Variants in ANK2 observed in about 807,000 individuals in gnomAD.
The protein encoded by ANK2 is ankyrin-2.
A neutral mutation model predicts 360.5 loss-of-function variants in ANK2; 83 were observed. The observed-to-expected ratio is 0.23, with a 90% confidence interval of 0.19 to 0.28. The LOEUF (loss-of-function observed/expected upper bound fraction) is 0.28. ANK2 is among the 10% of genes least tolerant of loss of function. The pLI is 1.00. For missense variants in ANK2, 4,201 were observed against 4,795.7 expected, an observed-to-expected ratio of 0.88 and a Z score of 3.66; for synonymous variants, 1,740 against 1,759.5, an observed-to-expected ratio of 0.99 and a Z score of 0.28.
chr4:112,818,561 C>G (rs1320481893), intron 1 of ANK2, among the ~76,000 whole-genome samples: 1 of 152,036 alleles, frequency 6.6e-6, no homozygotes, highest in Non-Finnish European at 1.5e-5. Context: ...TTTGAGATTC[C>G]CAGCCCCAGA....
In ANK2 at chr4:113,357,263, C is replaced by A. The variant is rs56222626; in HGVS notation, c.8645C>A (p.Thr2882Lys). The A allele has an allele frequency of 6.2e-7, 1 of 1,614,016 alleles. No homozygotes were observed. The highest frequency in any genetic ancestry group is 1.1e-5 in the South Asian group (1 of 91,076). ...ACAGAGGTCACAAAAACTGATGAAACATTTGAGAACTTACCAAAGGACTGC... is the reference window on the plus strand; with the variant it reads ...ACAGAGGTCACAAAAACTGATGAAAAATTTGAGAACTTACCAAAGGACTGC... ...QKTEVTKTDE[T>K]FENLPKDCPS... The change falls in exon 38 of 46, where the codon ACA becomes AAA. Residue 2882 changes from threonine (T) to lysine (K), a missense_variant. Thr to Lys is a moderately conservative substitution (Grantham distance 78). Around this residue, in one of 4 missense-constraint regions of ANK2, gnomAD observed 2,642 missense variants for 2,714.5 expected, o/e 0.97. Transcript: ENST00000357077.
chr4:113,102,408 G>C (rs1387694028), intron 1 of ANK2, among the ~76,000 whole-genome samples: 1 of 152,094 alleles, frequency 6.6e-6, no homozygotes, highest in Non-Finnish European at 1.5e-5. Flanking sequence ...GGGCAGCTCA[G>C]AAAAGAGGCT....
At chr4:113,305,294 C>T (rs905983734) in intron 23 of ANK2, among the ~76,000 whole-genome samples, 5 of 142,382 alleles carry the variant, frequency 3.5e-5, no homozygotes, top group East Asian at 2.0e-4. Context: ...GAGCCGAGAT[C>T]CCGCCACTGC....
At chr4:113,215,222 A>T (rs1487952159) in intron 4 of ANK2, among the ~76,000 whole-genome samples, 1 of 152,158 alleles carries the variant, frequency 6.6e-6, no homozygotes, top group Non-Finnish European at 1.5e-5. Flanking sequence ...AAGGCAATGA[A>T]ATATGTTTCA....
At chr4:113,001,697 T>G (rs1159700420) in intron 2 of ANK2, among the ~76,000 whole-genome samples, 1 of 152,214 alleles carries the variant, frequency 6.6e-6, no homozygotes, top group Non-Finnish European at 1.5e-5. Context: ...TCAGTCAGTC[T>G]AACAAGGATT....
intron 2 of ANK2, among the ~76,000 whole-genome samples, chr4:112,995,881 A>G (rs1301200843): frequency 6.6e-6 from 1 of 152,220 alleles, no homozygotes; most frequent in East Asian, 1.9e-4. Context: ...GAACTCTCAT[A>G]CACTGCTGGT....
chr4:113,323,223 A>G (rs1385233016), intron 26 of ANK2, among the ~76,000 whole-genome samples: 1 of 152,094 alleles, frequency 6.6e-6, no homozygotes, highest in Non-Finnish European at 1.5e-5. Context: ...TTGTTTGCAT[A>G]GCTTTTTTTT....
chr4:112,952,216 A>G (rs1466971688), intron 2 of ANK2, among the ~76,000 whole-genome samples: 4 of 152,232 alleles, frequency 2.6e-5, no homozygotes, highest in South Asian at 2.1e-4. Context: ...TTCACTTTGC[A>G]TATGTGATAG....
intron 1 of ANK2, among the ~76,000 whole-genome samples, chr4:113,093,664 A>G (rs929034590): frequency 2.6e-5 from 4 of 152,192 alleles, no homozygotes; most frequent in African/African-American, 4.8e-5. Context: ...AACTCTGTTT[A>G]TTACGCAATA....
intron 2 of ANK2, among the ~76,000 whole-genome samples, chr4:113,190,110 AC>A (rs745428654): frequency 8.6e-5 from 13 of 151,718 alleles, no homozygotes; most frequent in Non-Finnish European, 1.8e-4. Flanking sequence ...ACCATTCTAA[AC>A]CCTTTGCTCC....
intron 1 of ANK2, chr4:112,826,773 C>A: frequency 1.0e-6 from 1 of 967,122 alleles, no homozygotes; most frequent in Non-Finnish European, 1.6e-6. Flanking sequence ...AATTACTCTG[C>A]CTGGAAATAA....
chr4:112,921,779 A>G (rs1035360693), intron 2 of ANK2, among the ~76,000 whole-genome samples: 2 of 151,994 alleles, frequency 1.3e-5, no homozygotes, highest in African/African-American at 4.8e-5. Flanking sequence ...TTCATTGTCA[A>G]ATGTCAAATA....
rs75303573 is a variant in ANK2 at position 113,093,448 on chromosome 4, G to A, written c.84+43636G>A. On this transcript the variant is annotated intron_variant, in intron 1 of 45. Coordinates refer to ENST00000357077, the MANE Select transcript of ANK2 (RefSeq NM_001148.6). Reference sequence around the variant, plus strand: ...GTAATCTCGCCTCACTGCAACCCCTGCCTCCCAGGTGATCCTCCTGCCTCA... The same window carrying A: ...GTAATCTCGCCTCACTGCAACCCCTACCTCCCAGGTGATCCTCCTGCCTCA... Among the ~76,000 whole-genome samples, 1,435 of 152,054 alleles carry A rather than the reference G, an allele frequency of 9.4e-3. 38 individuals carry two copies. The East Asian group carries it at 0.1, about 11-fold the overall frequency.
intron 1 of ANK2, among the ~76,000 whole-genome samples, chr4:113,087,505 A>G (rs1232597883): frequency 3.3e-5 from 5 of 152,160 alleles, no homozygotes; most frequent in African/African-American, 4.8e-5. Context: ...TACTAAACTC[A>G]TTGTTTTCCT....
rs952978479 is a variant in ANK2, at chr4:113,201,076, C to T, written c.384+1967C>T. ...GAGTGAAGGTGTCGTTTTGACGTAA[C>T]GATTTCTTTTCCTTTGGGTAAATAC... On this transcript the variant is annotated intron_variant, in intron 4 of 45. Transcript: ENST00000357077. Among the ~76,000 whole-genome samples the T allele has an allele frequency of 9.9e-5, 15 of 151,794 alleles. 1 individual carries two copies. In the South Asian group the frequency reaches 2.3e-3, roughly 23 times the overall value.
the ANK2 span, among the ~76,000 whole-genome samples, chr4:112,763,080 T>C: frequency 1.0e-3 from 156 of 152,344 alleles, no homozygotes; most frequent in African/African-American, 3.1e-3. Flanking sequence ...TGTTGGAACA[T>C]GTGATGAATA....
rs29422 is a variant in ANK2, at chr4:113,257,922, C to A, written c.1189-128C>A. 3.1e-3 allele frequency: 2,898 copies of A among 947,856 alleles called. 72 individuals are homozygous for A. The Admixed American group carries it at 0.044, about 14-fold the overall frequency. 58.7% of individuals were successfully genotyped at this position (947,856 alleles called of 1,614,324 possible). A position where few individuals can be genotyped will look rare whatever the true frequency, so the allele number is the denominator to read the frequency against. ...CCATTTTTCTTTCCAAATTCCAACA[C>A]CTGCAGGGATTGAAGAAATGGTAAC... On this transcript the variant is annotated intron_variant, in intron 11 of 45. Transcript: ENST00000357077.
chr4:113,259,055 A>G (rs370462703), intron 13 of ANK2, among the ~76,000 whole-genome samples: 3 of 152,356 alleles, frequency 2.0e-5, no homozygotes, highest in African/African-American at 4.8e-5. Flanking sequence ...CATTCAATCA[A>G]CAAGTACTGG....
At chr4:112,854,837 C>T (rs1417275993) in intron 1 of ANK2, among the ~76,000 whole-genome samples, 1 of 151,970 alleles carries the variant, frequency 6.6e-6, no homozygotes, top group Non-Finnish European at 1.5e-5. Context: ...AACACTGTTC[C>T]AGAGAGAGAG....
Sources: gnomAD v4.1 joint callset for allele counts (sites outside exome capture counted in the v4.1 genomes callset) on GRCh38, gnomAD v4.1.1 for gene constraint, gnomAD v4.1.1 regional missense constraint, MANE v1.5 for transcripts, NCBI Gene and HGNC (gene_info 2026-07-23, HGNC 2026-07-21) for gene names.